GAS2: variants seen among roughly 807,000 people sequenced by gnomAD.
GAS2 encodes growth arrest-specific protein 2.
Under a neutral mutation model 37.5 loss-of-function variants are expected in GAS2, and 20 were observed. The ratio of observed to expected loss-of-function variants is 0.53; its 90% confidence interval spans 0.37 to 0.77. The LOEUF (loss-of-function observed/expected upper bound fraction) is 0.77. Ranked by LOEUF, GAS2 falls within the 30% of genes least tolerant of loss-of-function variation. The pLI is 0.00. For missense variants in GAS2, 336 were observed against 373.4 expected, an observed-to-expected ratio of 0.90 and a Z score of 0.82; for synonymous variants, 144 against 132.2, an observed-to-expected ratio of 1.09 and a Z score of -0.61.
rs1460123279 is a variant in GAS2, at chr11:22,649,086, G to A, written c.-21+23273G>A. ...GATAGCTCCTATTATTTTGAAATAC[G>A]TCCCATCAATACCTAATTTATTGAG... is the stretch of plus-strand genomic sequence containing the variant. On this transcript the variant is annotated intron_variant, in intron 1 of 5. Transcript: ENST00000528582. 5.9e-5 allele frequency among the ~76,000 whole-genome samples: 9 copies of A among 152,202 alleles called. No homozygotes were observed. In the South Asian group the frequency reaches 6.2e-4, roughly 11 times the overall value.
At chr11:22,770,111 C>T (rs1037898506) in intron 7 of GAS2, among the ~76,000 whole-genome samples, 26 of 152,042 alleles carry the variant, frequency 1.7e-4, no homozygotes, top group African/African-American at 6.0e-4. Flanking sequence ...AACATATGGA[C>T]AAGGGCAGGG....
intron 2 of GAS2, 106 bp from the exon 3 acceptor site, chr11:22,685,562 C>A: frequency 8.2e-7 from 1 of 1,217,584 alleles, no homozygotes; most frequent in Non-Finnish European, 1.1e-6. Flanking sequence ...AGTTATGTAA[C>A]TCAGCTAGAA....
At chr11:22,801,134 T>C (rs1192318606) in intron 7 of GAS2, among the ~76,000 whole-genome samples, 2 of 152,100 alleles carry the variant, frequency 1.3e-5, no homozygotes, top group Non-Finnish European at 2.9e-5. Context: ...TTGCTTTAAG[T>C]TCTTACCTCC....
intron 3 of GAS2, among the ~76,000 whole-genome samples, chr11:22,687,714 T>A (rs1443980702): frequency 6.6e-6 from 1 of 152,212 alleles, no homozygotes; most frequent in Non-Finnish European, 1.5e-5. Context: ...ATTTCCATCG[T>A]GATGTAACTG....
chr11:22,678,761 G>C (rs1205167724), intron 2 of GAS2, among the ~76,000 whole-genome samples: 2 of 151,778 alleles, frequency 1.3e-5, no homozygotes, highest in Admixed American at 1.3e-4. Flanking sequence ...TTTATATTCT[G>C]ATATTTTGAT....
intron 1 of GAS2, among the ~76,000 whole-genome samples, chr11:22,628,517 A>C (rs957919019): frequency 2.8e-4 from 42 of 152,330 alleles, no homozygotes; most frequent in African/African-American, 9.9e-4. Flanking sequence ...AAAAGGCCAA[A>C]TTTCAGCAGA....
intron 1 of GAS2, among the ~76,000 whole-genome samples, chr11:22,649,246 C>T (rs2133828552): frequency 6.6e-6 from 1 of 152,254 alleles, no homozygotes; most frequent in African/African-American, 2.4e-5. Context: ...TTGAACCAGC[C>T]TTGCATCCCA....
chr11:22,768,267 AAAC>A (rs1259773185), intron 7 of GAS2, among the ~76,000 whole-genome samples: 2 of 152,222 alleles, frequency 1.3e-5, no homozygotes, highest in East Asian at 1.9e-4. Context: ...GATGTTACTA[AAAC>A]AACAACAACA....
chr11:22,760,250 G>C (rs974609834), intron 7 of GAS2, among the ~76,000 whole-genome samples: 2 of 151,970 alleles, frequency 1.3e-5, no homozygotes, highest in Admixed American at 1.3e-4. Flanking sequence ...CAAAGTGCTG[G>C]GATTACAGGC....
chr11:22,706,641 A>C (rs1851137190), intron 3 of GAS2, among the ~76,000 whole-genome samples: 1 of 152,160 alleles, frequency 6.6e-6, no homozygotes, highest in African/African-American at 2.4e-5. Flanking sequence ...AATTTCATCC[A>C]TGTCCCTACA....
intron 7 of GAS2, 76 bp from the exon 8 acceptor site, chr11:22,811,722 C>A: frequency 7.3e-7 from 1 of 1,373,650 alleles, no homozygotes; most frequent in Admixed American, 1.7e-5. Flanking sequence ...ACACTAATTT[C>A]ACTAGAACCA....
intron 7 of GAS2, among the ~76,000 whole-genome samples, chr11:22,809,642 C>A (rs1857048556): frequency 6.6e-6 from 1 of 150,564 alleles, no homozygotes; most frequent in South Asian, 2.1e-4. Context: ...CGCCTGCCAC[C>A]ATGCCCAGCT....
intron 7 of GAS2, among the ~76,000 whole-genome samples, chr11:22,767,505 G>C (rs1010489284): frequency 1.3e-5 from 2 of 151,948 alleles, no homozygotes; most frequent in African/African-American, 2.4e-5. Flanking sequence ...TAGACATCCT[G>C]ACAAGGATAT....
chr11:22,664,005 A>T (rs550820861), upstream of GAS2, among the ~76,000 whole-genome samples: 15 of 152,270 alleles, frequency 9.9e-5, no homozygotes, highest in South Asian at 3.1e-3. Flanking sequence ...ATATGTCTTC[A>T]TGTATTTTTT....
Position 22,731,729 on chromosome 11 carries a change from G to T in GAS2, c.409+5296G>T, listed in dbSNP as rs564499421. 5.3e-5 allele frequency among the ~76,000 whole-genome samples: 8 copies of T among 151,610 alleles called. No homozygotes were observed. The South Asian group carries it at 1.3e-3, about 24-fold the overall frequency. On this transcript the variant is annotated intron_variant, in intron 4 of 7. Coordinates refer to ENST00000454584, the MANE Select transcript of GAS2 (RefSeq NM_001143830.3). ...GTTTGATAAATCATTCCTTATTCTTGTTTTTGTCTATATTGAAGACTATAA... is the reference window on the plus strand; with the variant it reads ...GTTTGATAAATCATTCCTTATTCTTTTTTTTGTCTATATTGAAGACTATAA...
At chr11:22,734,010 A>G (rs1366573240) in intron 4 of GAS2, among the ~76,000 whole-genome samples, 1 of 151,796 alleles carries the variant, frequency 6.6e-6, no homozygotes, top group East Asian at 1.9e-4. Context: ...TTTGAAAAAG[A>G]TAAATGATGA....
At position 22,771,922 on chromosome 11, in the gene GAS2, A is replaced by G. The variant is rs536888230; in HGVS notation, c.723+15969A>G. Among the ~76,000 whole-genome samples, 5 of 152,312 alleles carry G rather than the reference A, an allele frequency of 3.3e-5. 1 individual carries two copies. Among genetic ancestry groups the G allele is most frequent in the African/African-American group, 1.2e-4 (5 of 41,562 alleles). Reference sequence around the variant, plus strand: ...TGTTTCCTGGTAAAGATAATGCTTAATAATGTAAATATTGGTCATATACTA... The same window carrying G: ...TGTTTCCTGGTAAAGATAATGCTTAGTAATGTAAATATTGGTCATATACTA... On this transcript the variant is annotated intron_variant, in intron 7 of 7. Coordinates refer to ENST00000454584, the MANE Select transcript of GAS2 (RefSeq NM_001143830.3).
At chr11:22,770,265 G>A (rs533262254) in intron 7 of GAS2, among the ~76,000 whole-genome samples, 1 of 152,146 alleles carries the variant, frequency 6.6e-6, no homozygotes, top group Non-Finnish European at 1.5e-5. Flanking sequence ...GTATACCTAT[G>A]TAACAAACCT....
chr11:22,685,974 T>C (rs1347505980), intron 3 of GAS2, among the ~76,000 whole-genome samples, 185 bp downstream of exon 3: 2 of 152,200 alleles, frequency 1.3e-5, no homozygotes, highest in African/African-American at 4.8e-5. Context: ...ATAAATTGCA[T>C]AATCCTTTTG....
Sources: allele counts gnomAD v4.1 joint callset (sites outside exome capture counted in the v4.1 genomes callset), GRCh38; gene constraint gnomAD v4.1.1; transcripts MANE v1.5; gene names NCBI Gene and HGNC (gene_info 2026-07-23, HGNC 2026-07-21).